PTGER4: variants seen among roughly 807,000 people sequenced by gnomAD.
PTGER4 encodes prostaglandin E2 receptor EP4 subtype.
PTGER4 carries 11 observed loss-of-function variants against 33.2 expected under a neutral mutation model. The observed-to-expected ratio is 0.33, with a 90% CI of 0.21 to 0.55. PTGER4 has a LOEUF of 0.55. Among genes scored for constraint, PTGER4 ranks in the 20% least tolerant of loss-of-function variants. The pLI is 0.92. For missense variants in PTGER4, 481 were observed against 650.2 expected (o/e 0.74, Z 2.83); for synonymous variants, 275 against 281.5 (o/e 0.98, Z 0.23).
At chr5:40,715,187 T>G in the PTGER4 span, 4 of 152,088 alleles carry the variant, frequency 2.6e-5, no homozygotes, top group Non-Finnish European at 5.9e-5. Flanking sequence ...TTGTAATTAT[T>G]TTTCATTTCA....
In PTGER4 at chr5:40,691,738, G is replaced by A; in HGVS notation, c.868-41G>A. The A allele has an allele frequency of 1.3e-6, 2 of 1,572,610 alleles. No individual in the cohort carries two copies. Among genetic ancestry groups the A allele is most frequent in the Non-Finnish European group, 1.7e-6 (2 of 1,160,240 alleles). On this transcript the variant is annotated intron_variant, in intron 2 of 2. Transcript: ENST00000302472. This position sits in a 1 kb window ranked among gnomAD's most constrained non-coding sequence, Gnocchi z 4.2. ...ATAGCATTTATATGTTTTCCCAATT[G>A]ATTAATGATGAAATCTAAATGTGCG...
chr5:40,703,503 G>T, the PTGER4 span, among the ~76,000 whole-genome samples: 1 of 151,994 alleles, frequency 6.6e-6, no homozygotes, highest in Non-Finnish European at 1.5e-5. Flanking sequence ...GTAATAAATA[G>T]CCTGCCAATC....
intron 2 of PTGER4, among the ~76,000 whole-genome samples, chr5:40,686,475 A>G (rs1394155528): frequency 2.0e-5 from 3 of 152,260 alleles, no homozygotes; most frequent in Non-Finnish European, 4.4e-5. Flanking sequence ...AAAAGTAATG[A>G]GAGCCAACAT....
At chr5:40,700,477 A>G in the PTGER4 span, among the ~76,000 whole-genome samples, 1 of 152,204 alleles carries the variant, frequency 6.6e-6, no homozygotes, top group East Asian at 1.9e-4. Flanking sequence ...CAGTCGACCC[A>G]AGGAGAGGAG....
At position 40,680,920 on chromosome 5, in the gene PTGER4, G is replaced by C; in HGVS notation, c.-43-31G>C. On this transcript the variant is annotated intron_variant, in intron 1 of 2. Coordinates refer to ENST00000302472, the MANE Select transcript of PTGER4 (RefSeq NM_000958.3). The surrounding 1 kb of genome is among the most constrained non-coding windows in gnomAD (Gnocchi z 5.5). ...CTTACAAGTGGTAATTTCCGCTCAC[G>C]GCAGCTTTGTCTCTCTTCTACCATC... The C allele has an allele frequency of 6.6e-7, 1 of 1,522,030 alleles. No homozygotes were observed. Among genetic ancestry groups the C allele is most frequent in the Non-Finnish European group, 8.8e-7 (1 of 1,133,248 alleles). 94.3% of individuals were successfully genotyped at this position (1,522,030 alleles called of 1,614,324 possible).
At chr5:40,695,734 G>C (rs898035393), downstream of PTGER4, among the ~76,000 whole-genome samples, 1 of 152,038 alleles carries the variant, frequency 6.6e-6, no homozygotes, top group Non-Finnish European at 1.5e-5. Flanking sequence ...ATGGTACTTT[G>C]TGCGGTCATA....
chr5:40,712,913 G>A, the PTGER4 span, among the ~76,000 whole-genome samples: 2 of 152,092 alleles, frequency 1.3e-5, no homozygotes, highest in South Asian at 2.1e-4. Flanking sequence ...TTCTTCTTCC[G>A]AAGTAACCAT....
intron 2 of PTGER4, among the ~76,000 whole-genome samples, chr5:40,684,166 A>AC (rs1561128242): frequency 1.5e-5 from 2 of 132,150 alleles, no homozygotes; most frequent in African/African-American, 2.9e-5. Flanking sequence ...ATAATCAAAA[A>AC]CCCTTCCGCA....
At chr5:40,697,066 A>T (rs1202263891), downstream of PTGER4, among the ~76,000 whole-genome samples, 2 of 79,140 alleles carry the variant, frequency 2.5e-5, no homozygotes, top group Non-Finnish European at 5.1e-5. Flanking sequence ...GAAAGAAAAG[A>T]AAGAAAGGAA....
At chr5:40,695,589 G>A (rs113747223), downstream of PTGER4, among the ~76,000 whole-genome samples, 1,586 of 151,842 alleles carry the variant, frequency 0.01, 22 homozygotes, top group African/African-American at 0.033. Flanking sequence ...GCATGGTGCC[G>A]TGTGCCCAGC....
chr5:40,692,759 T>C lies in PTGER4; in HGVS notation c.*381T>C, dbSNP rs538093468. On this transcript the variant is annotated 3_prime_UTR_variant, in exon 3 of 3. Transcript: ENST00000302472. ...AGAAAGGCTCTATTCCAATAAACTATGAGGACTGCCTTATGGATGATTTAA... is the reference window on the plus strand; with the variant it reads ...AGAAAGGCTCTATTCCAATAAACTACGAGGACTGCCTTATGGATGATTTAA... The C allele has an allele frequency of 3.6e-4, 359 of 1,003,634 alleles. No homozygotes were observed. The highest frequency in any genetic ancestry group is 4.1e-4 in the Non-Finnish European group (343 of 840,766). 62.2% of individuals were successfully genotyped at this position (1,003,634 alleles called of 1,614,324 possible).
intron 2 of PTGER4, among the ~76,000 whole-genome samples, chr5:40,690,920 G>C (rs987688523): frequency 6.6e-6 from 1 of 152,202 alleles, no homozygotes; most frequent in Admixed American, 6.5e-5. Context: ...TTTGTATACT[G>C]TCTTTGCTCT....
rs1213440481 is a variant in PTGER4 at position 40,681,694 on chromosome 5, C to T, written c.701C>T (p.Ala234Val). ...GAGCAGCACCACGCGGCCGCGGCCGCCTCGGTTGCCTCCCGGGGCCACCCC... is the reference window on the plus strand; with the variant it reads ...GAGCAGCACCACGCGGCCGCGGCCGTCTCGGTTGCCTCCCGGGGCCACCCC... ...GTEQHHAAAA[A>V]SVASRGHPAA... Residue 234 changes from alanine (A) to valine (V), a missense_variant, in exon 2 of 3, where the codon GCC becomes GTC. Around this residue, in one of 7 missense-constraint regions of PTGER4, gnomAD observed 174 missense variants for 210.5 expected, o/e 0.83. Transcript: ENST00000302472. The surrounding 1 kb of genome is among the most constrained non-coding windows in gnomAD (Gnocchi z 9.8). 1.9e-6 allele frequency: 3 copies of T among 1,576,682 alleles called. No homozygotes were observed. Among genetic ancestry groups the T allele is most frequent in the Non-Finnish European group, 2.6e-6 (3 of 1,166,810 alleles).
chr5:40,724,692 A>T, the PTGER4 span, among the ~76,000 whole-genome samples: 2 of 151,962 alleles, frequency 1.3e-5, no homozygotes, highest in Non-Finnish European at 2.9e-5. Context: ...TCATAAACAA[A>T]CTTTATTTTT....
the PTGER4 span, among the ~76,000 whole-genome samples, chr5:40,727,579 A>C: frequency 6.6e-6 from 1 of 152,166 alleles, no homozygotes; most frequent in South Asian, 2.1e-4. Flanking sequence ...CAATAAGCCT[A>C]ACAACTTTTC....
At chr5:40,716,416 G>A in the PTGER4 span, 51 of 1,613,846 alleles carry the variant, frequency 3.2e-5, no homozygotes, top group East Asian at 8.2e-4. Context: ...CTCCTGGAGC[G>A]TTCTTGCCCA....
At chr5:40,696,350 GC>G (rs1350083308), downstream of PTGER4, among the ~76,000 whole-genome samples, 2 of 152,042 alleles carry the variant, frequency 1.3e-5, no homozygotes, top group Non-Finnish European at 2.9e-5. Flanking sequence ...TTCCAATACT[GC>G]CCCCACCTCA....
downstream of PTGER4, among the ~76,000 whole-genome samples, chr5:40,696,474 AAG>A (rs1741586313): frequency 1.3e-5 from 2 of 152,138 alleles, no homozygotes; most frequent in African/African-American, 4.8e-5. Flanking sequence ...CGCTTACAAC[AAG>A]AGAGAGCATT....
At chr5:40,724,620 G>A in the PTGER4 span, among the ~76,000 whole-genome samples, 5 of 151,444 alleles carry the variant, frequency 3.3e-5, no homozygotes, top group Non-Finnish European at 7.4e-5. Context: ...GGAACAGAGC[G>A]AGACTCCATC....
Sources: gnomAD v4.1 joint callset for allele counts (sites outside exome capture counted in the v4.1 genomes callset) on GRCh38, gnomAD v4.1.1 for gene constraint, gnomAD v4.1.1 regional missense constraint, Gnocchi (gnomAD v3.1) non-coding constraint, MANE v1.5 for transcripts, NCBI Gene and HGNC (gene_info 2026-07-23, HGNC 2026-07-21) for gene names.